The following ZHX3 variants were observed in gnomAD, a reference collection of about 807,000 sequenced individuals.
ZHX3 encodes zinc fingers and homeoboxes protein 3.
ZHX3 carries 20 observed loss-of-function variants against 64.5 expected under a neutral mutation model. The observed-to-expected ratio is 0.31, with a 90% CI of 0.22 to 0.45. The LOEUF (loss-of-function observed/expected upper bound fraction) is 0.45. ZHX3 is among the 20% of genes least tolerant of loss of function. The pLI, the probability that ZHX3 is intolerant of heterozygous loss-of-function variation, is 1.00. For missense variants in ZHX3, 1,041 were observed against 1,195.8 expected (o/e 0.87, Z 1.91); for synonymous variants, 423 against 461.6 (o/e 0.92, Z 1.07).
At position 41,195,327 on chromosome 20, in the gene ZHX3, G is replaced by T. The variant is rs904023262; in HGVS notation, c.2860+6730C>A. The stretch of plus-strand genomic sequence containing the variant: ...GACAGGATCCCACTTTGTTACCCAG[G>T]CAGGTCTCAAACTCCTGGCCTCAAG... On this transcript the variant is annotated intron_variant, in intron 3 of 3. Transcript: ENST00000683867. The surrounding 1 kb of genome is among the most constrained non-coding windows in gnomAD (Gnocchi z 4.2). Among the ~76,000 whole-genome samples, 8 of 152,100 alleles carry T rather than the reference G, an allele frequency of 5.3e-5. No individual in the cohort carries two copies. Among genetic ancestry groups the T allele is most frequent in the African/African-American group, 1.9e-4 (8 of 41,406 alleles).
intron 1 of ZHX3, among the ~76,000 whole-genome samples, chr20:41,301,460 C>T (rs771046231): frequency 1.1e-4 from 17 of 152,184 alleles, no homozygotes; most frequent in Non-Finnish European, 1.9e-4. Flanking sequence ...TCTTCTCATA[C>T]ACCTCTCCTC....
In ZHX3 at chr20:41,212,149, G is replaced by C. The variant is rs765797800; in HGVS notation, c.-150-7083C>G. On this transcript the variant is annotated intron_variant, in intron 2 of 3. Transcript: ENST00000683867. The surrounding 1 kb of genome is among the most constrained non-coding windows in gnomAD (Gnocchi z 4.3). ...GAAAAGGTTTGCAAATCATCTATCTGGTAAAGTATATCCAGATTATATAAA... is the reference window on the plus strand; with the variant it reads ...GAAAAGGTTTGCAAATCATCTATCTCGTAAAGTATATCCAGATTATATAAA... Among the ~76,000 whole-genome samples, 1 of 152,066 alleles carries C rather than the reference G, an allele frequency of 6.6e-6. No individual in the cohort carries two copies.
At chr20:41,235,616 G>A (rs1222867827) in intron 2 of ZHX3, among the ~76,000 whole-genome samples, 9 of 152,208 alleles carry the variant, frequency 5.9e-5, no homozygotes, top group Non-Finnish European at 1.2e-4. Context: ...TTGATGGGAC[G>A]TATCTCAAAA....
rs375844415 is a variant in ZHX3, at chr20:41,202,899, T to C, written c.2018A>G (p.Lys673Arg). 1.4e-5 allele frequency: 22 copies of C among 1,614,078 alleles called. No homozygotes were observed. Among genetic ancestry groups the C allele is most frequent in the Non-Finnish European group, 1.7e-5 (20 of 1,180,042 alleles). ...RRKKVNAEETKKAEENASQEE... is the reference protein window; with the variant it reads ...RRKKVNAEETRKAEENASQEE... ...CTGAGAGGCATTCTCCTCAGCCTTC[T>C]TGGTCTCCTCAGCATTCACTTTTTT... The change falls in exon 3 of 4, where the codon AAG becomes AGG. Residue 673 changes from lysine to arginine, a missense_variant. Physicochemically the swap from Lys to Arg is conservative, Grantham distance 26. Transcript: ENST00000683867. The surrounding 1 kb of genome is among the most constrained non-coding windows in gnomAD (Gnocchi z 7.0).
chr20:41,213,336 A>C (rs1430032382), intron 2 of ZHX3, among the ~76,000 whole-genome samples: 1 of 152,224 alleles, frequency 6.6e-6, no homozygotes, highest in Non-Finnish European at 1.5e-5. Context: ...AGAAAGGTAG[A>C]GGACAGTAAA....
chr20:41,215,062 T>G (rs1208850334), intron 2 of ZHX3, among the ~76,000 whole-genome samples: 1 of 152,142 alleles, frequency 6.6e-6, no homozygotes, highest in African/African-American at 2.4e-5. Flanking sequence ...GAGACCAGCC[T>G]GGCCAACAAC....
chr20:41,258,265 C>T lies in ZHX3; in HGVS notation c.-151+10725G>A, dbSNP rs145785441. Among the ~76,000 whole-genome samples the T allele has an allele frequency of 3.6e-3, 552 of 152,256 alleles. 1 individual carries two copies. Among genetic ancestry groups the T allele is most frequent in the Non-Finnish European group, 4.6e-3 (316 of 68,006 alleles). On this transcript the variant is annotated intron_variant, in intron 2 of 3. Coordinates refer to ENST00000683867, the MANE Select transcript of ZHX3 (RefSeq NM_001384317.1). ...TTACAGAAAAGTTGCAAAAATCGTA[C>T]AGAGTTTCCATATATCCTGGCCCCA...
intron 2 of ZHX3, among the ~76,000 whole-genome samples, chr20:41,231,259 CACCTT>C (rs1301080884): frequency 1.3e-5 from 2 of 152,154 alleles, no homozygotes; most frequent in Non-Finnish European, 2.9e-5. Context: ...ATATGCAGCT[CACCTT>C]ATGTTTCTGC....
chr20:41,199,008 T>C (rs777817432), intron 3 of ZHX3, among the ~76,000 whole-genome samples: 10 of 152,162 alleles, frequency 6.6e-5, no homozygotes, highest in Non-Finnish European at 1.2e-4. Context: ...CAAATCTTTG[T>C]TGAATCCCTC....
Position 41,226,031 on chromosome 20 carries a change from A to G in ZHX3, c.-150-20965T>C, listed in dbSNP as rs2040246313. On this transcript the variant is annotated intron_variant, in intron 2 of 3. Transcript: ENST00000683867. The surrounding 1 kb of genome is among the most constrained non-coding windows in gnomAD (Gnocchi z 4.4). ...TCAAGATGTAGCCCAACTAGAAGAG[A>G]ATGAAAAGCAAGCTGTTTTCATCAT... 6.6e-6 allele frequency among the ~76,000 whole-genome samples: 1 copy of G among 152,154 alleles called. No individual in the cohort carries two copies. Among genetic ancestry groups the G allele is most frequent in the Non-Finnish European group, 1.5e-5 (1 of 68,034 alleles).
Position 41,202,286 on chromosome 20 carries a change from C to T in ZHX3, c.2631G>A (p.Gln877=), listed in dbSNP as rs2038292361. ...TCTCAGCAAACCACTGCTTGACCTG[C>T]TGGGAGCTCATCTGGGTCTTGTCAC... The part of the protein sequence containing the change: ...NLCDKTQMSS[Q]QVKQWFAEKM... The change falls in exon 3 of 4, where the codon CAG becomes CAA. Residue 877 remains glutamine (Q), a synonymous_variant. Coordinates refer to ENST00000683867, the MANE Select transcript of ZHX3 (RefSeq NM_001384317.1). This position sits in a 1 kb window ranked among gnomAD's most constrained non-coding sequence, Gnocchi z 7.0. 1 of 1,614,066 alleles carries T rather than the reference C, an allele frequency of 6.2e-7. No homozygotes were observed. Among genetic ancestry groups the T allele is most frequent in the African/African-American group, 1.3e-5 (1 of 74,922 alleles).
chr20:41,203,350 C>T lies in ZHX3; in HGVS notation c.1567G>A (p.Glu523Lys). 2.5e-6 allele frequency: 4 copies of T among 1,614,182 alleles called. No individual in the cohort carries two copies. Among genetic ancestry groups the T allele is most frequent in the Non-Finnish European group, 3.4e-6 (4 of 1,180,026 alleles). The part of the protein sequence containing the change: ...FCRNQFPGQS[E>K]VEHLTKVTGL... ...GTCACTTTTGTGAGATGTTCAACTTCGCTCTGCCCTGGGAACTGGTTCCGA... is the reference window on the plus strand; with the variant it reads ...GTCACTTTTGTGAGATGTTCAACTTTGCTCTGCCCTGGGAACTGGTTCCGA... The change falls in exon 3 of 4, where the codon GAA (glutamate) becomes AAA (lysine). Residue 523 changes from glutamate to lysine, a missense_variant. By Grantham distance (56) the Glu-to-Lys change is moderately conservative. Transcript: ENST00000683867. This position sits in a 1 kb window ranked among gnomAD's most constrained non-coding sequence, Gnocchi z 7.1.
chr20:41,214,167 A>G (rs1196220688), intron 2 of ZHX3, among the ~76,000 whole-genome samples: 1 of 152,232 alleles, frequency 6.6e-6, no homozygotes, highest in South Asian at 2.1e-4. Context: ...TGTTCTGGGT[A>G]GATGGACCAT....
At chr20:41,190,189 G>A (rs963904656) in intron 3 of ZHX3, among the ~76,000 whole-genome samples, 13 of 151,978 alleles carry the variant, frequency 8.6e-5, no homozygotes, top group South Asian at 2.1e-4. Context: ...TAGCCCAGGC[G>A]GAAGCACAGG....
At chr20:41,271,038 T>C (rs977488500) in intron 1 of ZHX3, among the ~76,000 whole-genome samples, 8 of 152,158 alleles carry the variant, frequency 5.3e-5, no homozygotes. Flanking sequence ...TTTTTTGTTT[T>C]TGAGAGAGAG....
At position 41,240,837 on chromosome 20, in the gene ZHX3, C is replaced by G. The variant is rs139486909; in HGVS notation, c.-151+28153G>C. The stretch of plus-strand genomic sequence containing the variant: ...GTTCTATCCATGTTGTTGCAAATGA[C>G]AAGATCTCATTCTTTTGTATCGTTG... On this transcript the variant is annotated intron_variant, in intron 2 of 3. Transcript: ENST00000683867. Among the ~76,000 whole-genome samples the G allele has an allele frequency of 4.1e-3, 619 of 152,318 alleles. 3 individuals carry two copies. The highest frequency in any genetic ancestry group is 0.015 in the South Asian group (74 of 4,828).
chr20:41,242,464 T>A (rs1302023599), intron 2 of ZHX3, among the ~76,000 whole-genome samples: 1 of 152,100 alleles, frequency 6.6e-6, no homozygotes, highest in South Asian at 2.1e-4. Flanking sequence ...TCCTGAGATA[T>A]GGAGTAAAGT....
At chr20:41,227,978 T>A (rs756384938) in intron 2 of ZHX3, among the ~76,000 whole-genome samples, 5 of 152,170 alleles carry the variant, frequency 3.3e-5, no homozygotes, top group Non-Finnish European at 7.3e-5. Flanking sequence ...TCCTTGCTCA[T>A]CAATCTTTGG....
chr20:41,221,648 T>C (rs1193291594), intron 2 of ZHX3, among the ~76,000 whole-genome samples: 2 of 152,140 alleles, frequency 1.3e-5, no homozygotes, highest in Non-Finnish European at 2.9e-5. Flanking sequence ...AGTGAAAGGC[T>C]GAAGAAATGT....
Sources: gnomAD v4.1 joint callset for allele counts (sites outside exome capture counted in the v4.1 genomes callset) on GRCh38, gnomAD v4.1.1 for gene constraint, Gnocchi (gnomAD v3.1) non-coding constraint, MANE v1.5 for transcripts, NCBI Gene and HGNC (gene_info 2026-07-23, HGNC 2026-07-21) for gene names.